CKS1B: variants seen among roughly 807,000 people sequenced by gnomAD.
CKS1B encodes the protein cyclin-dependent kinases regulatory subunit 1.
A neutral mutation model predicts 12.2 loss-of-function variants in CKS1B; 5 were observed. The ratio of observed to expected loss-of-function variants is 0.41; its 90% CI spans 0.21 to 0.86. The LOEUF (loss-of-function observed/expected upper bound fraction) is 0.86, where lower values mean the gene tolerates loss of function less well. Among genes scored for constraint, CKS1B ranks in the 40% least tolerant of loss-of-function variants. The pLI is 0.32. For missense variants in CKS1B, 53 were observed against 99.9 expected, an observed-to-expected ratio of 0.53 and a Z score of 2.00; for synonymous variants, 24 against 34.4, an observed-to-expected ratio of 0.70 and a Z score of 1.06.
At chr1:154,977,781 T>G (rs1657227222) in intron 1 of CKS1B, 2 of 532,398 alleles carry the variant, frequency 3.8e-6, no homozygotes. Flanking sequence ...CTGGAATTAT[T>G]CACTAATTTG....
rs1657114067 is a variant in CKS1B, at chr1:154,975,016, CAGTAGAG to C, written c.59+215_59+221del. 2.9e-6 allele frequency: 4 copies of C among 1,357,140 alleles called. No individual in the cohort carries two copies. The Admixed American group carries it at 6.7e-5, about 23-fold the overall frequency. 84.1% of individuals were successfully genotyped at this position (1,357,140 alleles called of 1,614,324 possible). A position where few individuals can be genotyped will look rare whatever the true frequency, so the allele number is the denominator to read the frequency against. ...TGGTTGCGAATTTGGAGTCGCCTCTCAGTAGAGAGGAGAGAGGGGTGGGCGTGGTTAG... is the reference window on the plus strand; with the variant it reads ...TGGTTGCGAATTTGGAGTCGCCTCTCAGGAGAGAGGGGTGGGCGTGGTTAG... On this transcript the variant is annotated intron_variant, in intron 1 of 2. Transcript: ENST00000308987.
At position 154,978,903 on chromosome 1, in the gene CKS1B, C is replaced by T. The variant is rs1657254721; in HGVS notation, c.*126C>T. 2 of 676,904 alleles carry T rather than the reference C, an allele frequency of 3.0e-6. No homozygotes were observed. The highest frequency in any genetic ancestry group is 3.6e-5 in the African/African-American group (2 of 55,758). The allele number at this position is 676,904 out of a possible 1,614,324, so 41.9% of individuals were successfully genotyped here. A position where few individuals can be genotyped will look rare whatever the true frequency, so the allele number is the denominator to read the frequency against. On this transcript the variant is annotated 3_prime_UTR_variant, in exon 3 of 3. Transcript: ENST00000308987. ...TGATATTTAAAAGATGTTCAATACA[C>T]TGTTTGAATGTGCTGGTAACTGCTT...
intron 2 of CKS1B, 130 bp downstream of exon 2, chr1:154,978,244 T>G: frequency 9.9e-7 from 1 of 1,011,582 alleles, no homozygotes; most frequent in Non-Finnish European, 1.4e-6. Context: ...TCGTGGGGGA[T>G]TTTTTTAAAA....
At chr1:154,976,850 T>C (rs1275854093) in intron 1 of CKS1B, among the ~76,000 whole-genome samples, 1 of 152,160 alleles carries the variant, frequency 6.6e-6, no homozygotes, top group East Asian at 1.9e-4. Context: ...AGGGAGAACT[T>C]AGTACATTTT....
chr1:154,977,905 C>A, intron 1 of CKS1B, 82 bp from the exon 2 acceptor site: 1 of 1,397,876 alleles, frequency 7.2e-7, no homozygotes, highest in Non-Finnish European at 9.5e-7. Flanking sequence ...TCTTTCCTTT[C>A]TTGGCCTTGT....
Position 154,978,905 on chromosome 1 carries a change from G to C in CKS1B, c.*128G>C. 1.5e-6 allele frequency: 1 copy of C among 663,472 alleles called. No individual in the cohort carries two copies. Among genetic ancestry groups the C allele is most frequent in the Non-Finnish European group, 2.7e-6 (1 of 375,044 alleles). 41.1% of individuals were successfully genotyped at this position (663,472 alleles called of 1,614,324 possible). A position where few individuals can be genotyped will look rare whatever the true frequency, so the allele number is the denominator to read the frequency against. The stretch of plus-strand genomic sequence containing the variant: ...ATATTTAAAAGATGTTCAATACACT[G>C]TTTGAATGTGCTGGTAACTGCTTTG... On this transcript the variant is annotated 3_prime_UTR_variant, in exon 3 of 3. Coordinates refer to ENST00000308987, the MANE Select transcript of CKS1B (RefSeq NM_001826.3).
At chr1:154,978,170 G>A (rs771087631) in intron 2 of CKS1B, 56 bp downstream of exon 2, 5 of 1,553,724 alleles carry the variant, frequency 3.2e-6, no homozygotes, top group Non-Finnish European at 4.4e-6. Context: ...GAGAATGAAA[G>A]AATAAGATTG....
intron 1 of CKS1B, among the ~76,000 whole-genome samples, chr1:154,976,992 T>C (rs999072304): frequency 4.6e-5 from 7 of 152,154 alleles, no homozygotes; most frequent in African/African-American, 1.4e-4. Context: ...GGTACATCCC[T>C]CCAGAGTTAG....
intron 1 of CKS1B, chr1:154,975,381 T>C (rs1657138267): frequency 5.0e-6 from 1 of 198,832 alleles, no homozygotes. Flanking sequence ...CCTTTAAATA[T>C]CAAAGGGAAC....
chr1:154,975,081 G>T (rs556059595), intron 1 of CKS1B: 2 of 730,836 alleles, frequency 2.7e-6, no homozygotes, highest in South Asian at 3.1e-5. Flanking sequence ...GAGGCTTTCT[G>T]GATCATTCTC....
At chr1:154,974,980 G>A in intron 1 of CKS1B, 176 bp downstream of exon 1, 2 of 1,588,368 alleles carry the variant, frequency 1.3e-6, no homozygotes, top group African/African-American at 1.3e-5. Flanking sequence ...GGAGGCGCTC[G>A]TAAAACAAAG....
chr1:154,974,837 C>G, intron 1 of CKS1B, 33 bp downstream of exon 1: 1 of 1,613,994 alleles, frequency 6.2e-7, no homozygotes, highest in Non-Finnish European at 8.5e-7. Flanking sequence ...TAGCGAGGGT[C>G]GTGAGCTTTG....
rs1657258312 is a variant in CKS1B at position 154,979,085 on chromosome 1, T to C, written c.*308T>C. ...AAGCATCTGAGTTTGAGACCATGGC[T>C]GTTACAGGGATCATGTAAACTTGCT... On this transcript the variant is annotated 3_prime_UTR_variant, in exon 3 of 3. Coordinates refer to ENST00000308987, the MANE Select transcript of CKS1B (RefSeq NM_001826.3). The C allele has an allele frequency of 3.1e-6, 1 of 319,512 alleles. No homozygotes were observed. The highest frequency in any genetic ancestry group is 4.7e-5 in the Admixed American group (1 of 21,374). 19.8% of individuals were successfully genotyped at this position (319,512 alleles called of 1,614,324 possible). A position where few individuals can be genotyped will look rare whatever the true frequency, so the allele number is the denominator to read the frequency against.
chr1:154,977,142 C>CT (rs1558069313), intron 1 of CKS1B, among the ~76,000 whole-genome samples: 1 of 151,468 alleles, frequency 6.6e-6, no homozygotes, highest in Non-Finnish European at 1.5e-5. Context: ...TTTTTTTTCT[C>CT]TTTTTTTGAG....
chr1:154,974,873 A>G (rs781212643), intron 1 of CKS1B, 69 bp downstream of exon 1: 66 of 1,613,922 alleles, frequency 4.1e-5, no homozygotes, highest in Non-Finnish European at 4.8e-5. Context: ...AGGAATTAGT[A>G]ACAGGAACTG....
At chr1:154,975,083 A>G (rs1160641275) in intron 1 of CKS1B, 1 of 723,872 alleles carries the variant, frequency 1.4e-6, no homozygotes, top group Non-Finnish European at 2.4e-6. Context: ...GGCTTTCTGG[A>G]TCATTCTCTG....
At position 154,976,895 on chromosome 1, in the gene CKS1B, G is replaced by C. The variant is rs140774066; in HGVS notation, c.60-1092G>C. Among the ~76,000 whole-genome samples, 31 of 152,304 alleles carry C rather than the reference G, an allele frequency of 2.0e-4. No individual in the cohort carries two copies. In the East Asian group the frequency reaches 5.4e-3, roughly 26 times the overall value. On this transcript the variant is annotated intron_variant, in intron 1 of 2. Transcript: ENST00000308987. ...TGACGAAGACTATGTGGATTAGTTT[G>C]ATTCACATCAGGGTAATAATTTTTT...
intron 1 of CKS1B, 26 bp from the exon 2 acceptor site, chr1:154,977,961 T>G (rs1201713453): frequency 1.2e-6 from 2 of 1,607,778 alleles, no homozygotes; most frequent in Non-Finnish European, 1.7e-6. Context: ...TAACATAAAT[T>G]CCCCACTTCC....
intron 1 of CKS1B, 194 bp downstream of exon 1, chr1:154,974,998 G>C: frequency 1.3e-6 from 2 of 1,525,740 alleles, no homozygotes; most frequent in Non-Finnish European, 1.8e-6. Flanking sequence ...AAGTGGTTGC[G>C]AATTTGGAGT....
Sources: gnomAD v4.1 joint callset for allele counts (sites outside exome capture counted in the v4.1 genomes callset) on GRCh38, gnomAD v4.1.1 for gene constraint, MANE v1.5 for transcripts, NCBI Gene and HGNC (gene_info 2026-07-23, HGNC 2026-07-21) for gene names.